EXOC6B: variants seen among roughly 807,000 people sequenced by gnomAD.
The protein encoded by EXOC6B is SEC15 homolog B.
EXOC6B carries 54 observed loss-of-function variants against 113.5 expected under a neutral mutation model. That is an observed-to-expected ratio of 0.48 (90% CI 0.38 to 0.60). The LOEUF (loss-of-function observed/expected upper bound fraction) is 0.60. Ranked by LOEUF, EXOC6B falls within the 20% of genes least tolerant of loss-of-function variation. EXOC6B has a pLI of 0.00. For synonymous variants in EXOC6B, 357 were observed against 339.0 expected (o/e 1.05, Z -0.58); for missense variants, 797 against 977.5 (o/e 0.82, Z 2.46).
intron 20 of EXOC6B, among the ~76,000 whole-genome samples, chr2:72,258,725 G>GT (rs1035977391): frequency 6.6e-6 from 1 of 151,930 alleles, no homozygotes; most frequent in African/African-American, 2.4e-5. Context: ...ATAATAAAAG[G>GT]TTTTAGAAGG....
intron 5 of EXOC6B, among the ~76,000 whole-genome samples, chr2:72,719,551 A>C (rs938647471): frequency 4.6e-5 from 7 of 152,202 alleles, no homozygotes; most frequent in Non-Finnish European, 8.8e-5. Context: ...AAACCTAAGA[A>C]GGTAGGTAAA....
chr2:72,401,605 G>GTATA (rs767434301), intron 18 of EXOC6B, among the ~76,000 whole-genome samples: 5 of 18,840 alleles, frequency 2.7e-4, no homozygotes, highest in Admixed American at 7.9e-4. Flanking sequence ...ATATATATGT[G>GTATA]TATATATATA....
intron 20 of EXOC6B, among the ~76,000 whole-genome samples, chr2:72,321,043 A>G (rs1475074294): frequency 6.6e-6 from 1 of 152,194 alleles, no homozygotes; most frequent in African/African-American, 2.4e-5. Flanking sequence ...ATGTCTATAC[A>G]TATATCAGAA....
chr2:72,546,670 A>T (rs1313259899), intron 8 of EXOC6B, among the ~76,000 whole-genome samples: 1 of 152,242 alleles, frequency 6.6e-6, no homozygotes, highest in African/African-American at 2.4e-5. Context: ...AATTCAGGAG[A>T]CAAAACTATT....
rs1307909372 is a variant in EXOC6B, at chr2:72,177,533, C to T, written c.*1802G>A. 1.3e-5 allele frequency: 2 copies of T among 152,230 alleles called. No homozygotes were observed. Among genetic ancestry groups the T allele is most frequent in the African/African-American group, 4.8e-5 (2 of 41,460 alleles). 9.4% of individuals were successfully genotyped at this position (152,230 alleles called of 1,614,324 possible). A position where few individuals can be genotyped will look rare whatever the true frequency, so the allele number is the denominator to read the frequency against. On this transcript the variant is annotated 3_prime_UTR_variant, in exon 22 of 22. Transcript: ENST00000272427. ...TTATCAAGTTCTGGGTGGCAGTGCT[C>T]ATCCCTTACCCTCATTCTGAAACCC...
chr2:72,409,793 A>G (rs1467408976), intron 18 of EXOC6B, among the ~76,000 whole-genome samples: 3 of 152,106 alleles, frequency 2.0e-5, no homozygotes, highest in Admixed American at 2.0e-4. Flanking sequence ...GGTGCAGCAC[A>G]CCAAGATGGC....
chr2:72,510,995 G>A (rs1700866526), intron 11 of EXOC6B, among the ~76,000 whole-genome samples: 1 of 152,000 alleles, frequency 6.6e-6, no homozygotes, highest in African/African-American at 2.4e-5. Flanking sequence ...AACATTTCAA[G>A]TTTGCCAGAT....
intron 6 of EXOC6B, among the ~76,000 whole-genome samples, chr2:72,660,124 T>G (rs1674898809): frequency 6.6e-6 from 1 of 151,564 alleles, no homozygotes. Flanking sequence ...GGACTGGCTA[T>G]TAAAATACAG....
chr2:72,704,184 C>T (rs1282788448), intron 6 of EXOC6B, among the ~76,000 whole-genome samples: 5 of 149,858 alleles, frequency 3.3e-5, no homozygotes, highest in South Asian at 2.2e-4. Flanking sequence ...CACTCAAAAC[C>T]GCTCAACTAC....
chr2:72,564,978 C>T (rs1704079050), intron 7 of EXOC6B, among the ~76,000 whole-genome samples: 1 of 152,088 alleles, frequency 6.6e-6, no homozygotes, highest in Admixed American at 6.6e-5. Context: ...GAAAAACCAC[C>T]ATTTCTCCTT....
At chr2:72,636,047 T>C (rs906629438) in intron 6 of EXOC6B, among the ~76,000 whole-genome samples, 2 of 152,064 alleles carry the variant, frequency 1.3e-5, no homozygotes, top group Non-Finnish European at 2.9e-5. Flanking sequence ...GCTTAGGCTA[T>C]AAGAAACAAA....
chr2:72,710,625 A>T (rs1206491081), intron 6 of EXOC6B, among the ~76,000 whole-genome samples: 1 of 152,242 alleles, frequency 6.6e-6, no homozygotes, highest in African/African-American at 2.4e-5. Flanking sequence ...TCTAGCATAC[A>T]AGAGGCTTCA....
chr2:72,728,404 G>A (rs1214010984), intron 5 of EXOC6B, among the ~76,000 whole-genome samples: 2 of 152,106 alleles, frequency 1.3e-5, no homozygotes, highest in African/African-American at 2.4e-5. Context: ...GTGAGTCCAA[G>A]GAGACAAGAA....
intron 18 of EXOC6B, among the ~76,000 whole-genome samples, chr2:72,449,020 T>G (rs1472561005): frequency 6.6e-6 from 1 of 152,236 alleles, no homozygotes; most frequent in East Asian, 1.9e-4. Flanking sequence ...AAAACAAGCC[T>G]ATTGTTTCCC....
At chr2:72,595,851 TA>T (rs1271016049) in intron 6 of EXOC6B, among the ~76,000 whole-genome samples, 1 of 152,114 alleles carries the variant, frequency 6.6e-6, no homozygotes, top group Non-Finnish European at 1.5e-5. Flanking sequence ...TGCTGAAGGC[TA>T]AAAAATGTTT....
At chr2:72,383,878 T>G (rs2105080549) in intron 18 of EXOC6B, among the ~76,000 whole-genome samples, 1 of 152,202 alleles carries the variant, frequency 6.6e-6, no homozygotes, top group Middle Eastern at 3.4e-3. Context: ...ACCTTTATCC[T>G]TAAGAAACTA....
intron 20 of EXOC6B, among the ~76,000 whole-genome samples, chr2:72,290,691 A>G (rs1434277603): frequency 6.6e-6 from 1 of 151,908 alleles, no homozygotes; most frequent in Non-Finnish European, 1.5e-5. Flanking sequence ...AAACTTGAAA[A>G]CTATAAAAAA....
chr2:72,670,615 G>T (rs1558901200), intron 6 of EXOC6B, among the ~76,000 whole-genome samples: 1 of 152,102 alleles, frequency 6.6e-6, no homozygotes, highest in Admixed American at 6.6e-5. Flanking sequence ...CCTCAAAATG[G>T]CATTCAAGAC....
chr2:72,575,776 T>C, intron 6 of EXOC6B, 108 bp from the exon 7 acceptor site: 1 of 1,053,798 alleles, frequency 9.5e-7, no homozygotes, highest in Non-Finnish European at 1.3e-6. Context: ...TTCAACAAAC[T>C]TCTAATTTTG....
Sources: gnomAD v4.1 joint callset for allele counts (sites outside exome capture counted in the v4.1 genomes callset) on GRCh38, gnomAD v4.1.1 for gene constraint, MANE v1.5 for transcripts, NCBI Gene and HGNC (gene_info 2026-07-23, HGNC 2026-07-21) for gene names.